The following CNTLN variants were observed in gnomAD, a reference collection of about 807,000 sequenced individuals.
CNTLN encodes centlein, centrosomal protein.
Under a neutral mutation model 180.0 loss-of-function variants are expected in CNTLN, and 212 were observed. That is an observed-to-expected ratio of 1.18 (90% CI 1.05 to 1.32). The LOEUF (loss-of-function observed/expected upper bound fraction) is 1.32. CNTLN is among the 40% of genes most tolerant of loss of function. The pLI is 0.00. For synonymous variants in CNTLN, 722 were observed against 563.1 expected, an observed-to-expected ratio of 1.28 and a Z score of -3.99; for missense variants, 2,095 against 1,610.9, an observed-to-expected ratio of 1.30 and a Z score of -5.14.
At chr9:17,235,920 A>G (rs1247121444) in intron 4 of CNTLN, 128 bp downstream of exon 4, 2 of 838,248 alleles carry the variant, frequency 2.4e-6, no homozygotes, top group South Asian at 2.4e-5. Flanking sequence ...CCTGTACCAT[A>G]CAGTTTTCTC....
intron 8 of CNTLN, among the ~76,000 whole-genome samples, chr9:17,314,908 AT>A (rs1172160258): frequency 1.3e-5 from 2 of 152,284 alleles, no homozygotes; most frequent in Admixed American, 6.5e-5. Context: ...ATTTTAACTG[AT>A]TTTTTAAATC....
chr9:17,333,852 A>G (rs1249262067), intron 10 of CNTLN, among the ~76,000 whole-genome samples: 1 of 152,182 alleles, frequency 6.6e-6, no homozygotes, highest in East Asian at 1.9e-4. Flanking sequence ...CTCAATAGCA[A>G]TTACTGAGCA....
At chr9:17,484,783 A>T (rs1194765568) in intron 24 of CNTLN, among the ~76,000 whole-genome samples, 1 of 152,106 alleles carries the variant, frequency 6.6e-6, no homozygotes, top group Non-Finnish European at 1.5e-5. Flanking sequence ...TATATCATGT[A>T]AACCAGTATA....
chr9:17,270,419 G>C (rs977148622), intron 5 of CNTLN, among the ~76,000 whole-genome samples: 9 of 152,044 alleles, frequency 5.9e-5, no homozygotes, highest in African/African-American at 2.2e-4. Flanking sequence ...TATATTAACA[G>C]ATTTTCTAAT....
At chr9:17,422,750 C>A (rs967464707) in intron 18 of CNTLN, among the ~76,000 whole-genome samples, 2 of 151,952 alleles carry the variant, frequency 1.3e-5, no homozygotes, top group African/African-American at 2.4e-5. Flanking sequence ...TCATGTTTTC[C>A]CGAGTGTTTT....
chr9:17,194,763 A>G (rs892691339), intron 2 of CNTLN, among the ~76,000 whole-genome samples: 4 of 152,142 alleles, frequency 2.6e-5, no homozygotes, highest in Admixed American at 6.6e-5. Flanking sequence ...AATATACTAT[A>G]TTATCTGTTT....
At chr9:17,322,269 A>G (rs866488657) in intron 8 of CNTLN, among the ~76,000 whole-genome samples, 4 of 152,154 alleles carry the variant, frequency 2.6e-5, no homozygotes, top group South Asian at 2.1e-4. Flanking sequence ...AATAAATGAA[A>G]GACATTTTTA....
chr9:17,203,240 C>G (rs897647123), intron 2 of CNTLN, among the ~76,000 whole-genome samples: 1 of 152,164 alleles, frequency 6.6e-6, no homozygotes, highest in Non-Finnish European at 1.5e-5. Flanking sequence ...TGTAGGTGAC[C>G]TGACCTTTCT....
At chr9:17,329,288 A>C (rs1040263311) in intron 8 of CNTLN, among the ~76,000 whole-genome samples, 2 of 152,104 alleles carry the variant, frequency 1.3e-5, no homozygotes, top group African/African-American at 2.4e-5. Flanking sequence ...AGCCCAACCA[A>C]AGGAAATATT....
At chr9:17,461,298 G>C (rs372132111) in intron 19 of CNTLN, among the ~76,000 whole-genome samples, 1 of 151,454 alleles carries the variant, frequency 6.6e-6, no homozygotes, top group Non-Finnish European at 1.5e-5. Flanking sequence ...TGAAGCAAAC[G>C]CTTCAATTAT....
chr9:17,157,811 G>A (rs2131564355), intron 2 of CNTLN, among the ~76,000 whole-genome samples: 1 of 152,292 alleles, frequency 6.6e-6, no homozygotes, highest in South Asian at 2.1e-4. Context: ...TATCAGTAGT[G>A]CATAAATTTA....
rs150566474 is a variant in CNTLN at position 17,201,563 on chromosome 9, G to T, written c.450-24640G>T. ...TCGACTTCTTTCTGGTTTAGTCTTG[G>T]GAGGATGTATGTGTGCAGGAATTTA... On this transcript the variant is annotated intron_variant, in intron 2 of 25. Coordinates refer to ENST00000380647, the MANE Select transcript of CNTLN (RefSeq NM_017738.4). Among the ~76,000 whole-genome samples the T allele has an allele frequency of 5.3e-3, 814 of 152,182 alleles. 4 individuals are homozygous for T. The highest frequency in any genetic ancestry group is 9.2e-3 in the Non-Finnish European group (624 of 68,022).
At chr9:17,232,713 G>A (rs1250619182) in intron 3 of CNTLN, among the ~76,000 whole-genome samples, 1 of 151,958 alleles carries the variant, frequency 6.6e-6, no homozygotes, top group Admixed American at 6.6e-5. Context: ...GAGATATTAT[G>A]AGTAGATAGA....
chr9:17,437,313 G>A (rs779267542), intron 18 of CNTLN, among the ~76,000 whole-genome samples: 1 of 152,122 alleles, frequency 6.6e-6, no homozygotes, highest in Non-Finnish European at 1.5e-5. Flanking sequence ...CTATAAAATT[G>A]CACTTCTTAT....
intron 8 of CNTLN, among the ~76,000 whole-genome samples, chr9:17,311,454 T>TTG (rs1819127972): frequency 6.6e-6 from 1 of 150,824 alleles, no homozygotes; most frequent in Non-Finnish European, 1.5e-5. Context: ...TTTTTCTGTT[T>TTG]TTTTTTTTTT....
At chr9:17,244,154 A>C (rs187252645) in intron 5 of CNTLN, among the ~76,000 whole-genome samples, 1 of 151,022 alleles carries the variant, frequency 6.6e-6, no homozygotes, top group East Asian at 1.9e-4. Context: ...ATTTGCATGG[A>C]ATATTTTTTT....
Position 17,394,527 on chromosome 9 carries a change from C to A in CNTLN, c.2080-7C>A. The A allele has an allele frequency of 6.6e-7, 1 of 1,512,912 alleles. No individual in the cohort carries two copies. The highest frequency in any genetic ancestry group is 8.9e-7 in the Non-Finnish European group (1 of 1,118,102). 93.7% of individuals were successfully genotyped at this position (1,512,912 alleles called of 1,614,324 possible). A position where few individuals can be genotyped will look rare whatever the true frequency, so the allele number is the denominator to read the frequency against. Reference sequence around the variant, plus strand: ...GGATTCTTAAAAGAATAAACTCTTTCCTTTAGGTCACTGAGTTGGAAAATC... The same window carrying A: ...GGATTCTTAAAAGAATAAACTCTTTACTTTAGGTCACTGAGTTGGAAAATC... On this transcript the variant is annotated splice_polypyrimidine_tract_variant and splice_region_variant and intron_variant, in intron 14 of 25. Transcript: ENST00000380647.
In CNTLN at chr9:17,312,339, GTATTTATATA is replaced by G. The variant is rs1563984585; in HGVS notation, c.1341+3091_1341+3100del. Among the ~76,000 whole-genome samples, 16 of 122,884 alleles carry G rather than the reference GTATTTATATA, an allele frequency of 1.3e-4. No homozygotes were observed. In the East Asian group the frequency reaches 2.0e-3, roughly 16 times the overall value. The allele number at this position is 122,884 out of a possible 152,430, so 80.6% of individuals were successfully genotyped here. On this transcript the variant is annotated intron_variant, in intron 8 of 25. Transcript: ENST00000380647. ...ACAGGTAGTACTCGATAAGATTACTGTATTTATATATATATATATATATATTATATATATA... is the reference window on the plus strand; with the variant it reads ...ACAGGTAGTACTCGATAAGATTACTGTATATATATATATATTATATATATA...
At chr9:17,339,026 G>T (rs1422846013) in intron 10 of CNTLN, among the ~76,000 whole-genome samples, 1 of 152,108 alleles carries the variant, frequency 6.6e-6, no homozygotes, top group African/African-American at 2.4e-5. Context: ...CATTATGTGT[G>T]ATTTGTATAT....
Sources: allele counts gnomAD v4.1 joint callset (sites outside exome capture counted in the v4.1 genomes callset), GRCh38; gene constraint gnomAD v4.1.1; transcripts MANE v1.5; gene names NCBI Gene and HGNC (gene_info 2026-07-23, HGNC 2026-07-21).